Variants in LUZP1 observed in about 807,000 individuals in gnomAD.
The protein encoded by LUZP1 is filamin mechanobinding actin cross-linking protein.
LUZP1 carries 25 observed loss-of-function variants against 71.3 expected under a neutral mutation model. That is an observed-to-expected ratio of 0.35 (90% CI 0.26 to 0.49). LUZP1 has a LOEUF of 0.49. Ranked by LOEUF, LUZP1 falls within the 20% of genes least tolerant of loss-of-function variation. The probability of loss-of-function intolerance (pLI) is 0.99; values close to 1 mark genes in which losing one functional copy is unlikely to be tolerated. For synonymous variants in LUZP1, 481 were observed against 506.4 expected, an observed-to-expected ratio of 0.95 and a Z score of 0.67; for missense variants, 1,142 against 1,300.8, an observed-to-expected ratio of 0.88 and a Z score of 1.88.
At chr1:23,091,802 G>A (rs1643859911) in exon 4 of LUZP1, 1 of 1,613,962 alleles carries the variant, frequency 6.2e-7, no homozygotes, top group Non-Finnish European at 8.5e-7. Flanking sequence ...TATTGCTAGT[G>A]GATGTGTGCC....
At chr1:23,114,255 T>C (rs765332939) in intron 2 of LUZP1, among the ~76,000 whole-genome samples, 1 of 152,200 alleles carries the variant, frequency 6.6e-6, no homozygotes, top group African/African-American at 2.4e-5. Flanking sequence ...CTAAATTATA[T>C]AGGAAGCAAG....
intron 2 of LUZP1, among the ~76,000 whole-genome samples, chr1:23,114,532 G>A (rs767632105): frequency 1.2e-4 from 19 of 152,164 alleles, no homozygotes; most frequent in Non-Finnish European, 2.4e-4. Flanking sequence ...TGACTGAGTC[G>A]CTTCTCACAT....
chr1:23,090,640 G>A (rs147903104), intron 4 of LUZP1: 2 of 565,114 alleles, frequency 3.5e-6, no homozygotes, highest in African/African-American at 3.7e-5. Context: ...AAAAGAAAGT[G>A]TCACTTGGAA....
intron 2 of LUZP1, among the ~76,000 whole-genome samples, chr1:23,166,848 C>A (rs1423301622): frequency 6.6e-6 from 1 of 152,078 alleles, no homozygotes; most frequent in East Asian, 1.9e-4. Flanking sequence ...GGCTAATTAA[C>A]AATCCGCATT....
chr1:23,104,526 T>C (rs1200753342), intron 3 of LUZP1, among the ~76,000 whole-genome samples: 1 of 152,094 alleles, frequency 6.6e-6, no homozygotes, highest in African/African-American at 2.4e-5. Flanking sequence ...CTGAGGCCTT[T>C]TCAAACCATC....
chr1:23,103,863 GGAGGGAGGGAGGGAGGGAGA>G, intron 3 of LUZP1, among the ~76,000 whole-genome samples: 1 of 8,714 alleles, frequency 1.1e-4, no homozygotes, highest in South Asian at 3.8e-3. Flanking sequence ...AGGGAGGGAG[GGAGGGAGGGAGGGAGGGAGA>G]GAGGGAGAGA....
intron 4 of LUZP1, among the ~76,000 whole-genome samples, chr1:23,089,370 G>A (rs780435275): frequency 1.3e-5 from 2 of 152,102 alleles, no homozygotes; most frequent in East Asian, 3.9e-4. Flanking sequence ...CTGAGGAGGG[G>A]CCAGCAGTCT....
chr1:23,171,059 C>T (rs1048508710), intron 1 of LUZP1, among the ~76,000 whole-genome samples: 1 of 149,914 alleles, frequency 6.7e-6, no homozygotes. Flanking sequence ...CACCGCACTA[C>T]AGCCTGGTGA....
chr1:23,153,959 T>C lies in LUZP1; in HGVS notation c.-226+14807A>G, dbSNP rs575532322. Reference sequence around the variant, plus strand: ...CTCCTCAACTGGTCAATAAACAAACTATAATACATCTATACAATAGAATAC... The same window carrying C: ...CTCCTCAACTGGTCAATAAACAAACCATAATACATCTATACAATAGAATAC... On this transcript the variant is annotated intron_variant, in intron 2 of 4. Coordinates refer to ENST00000302291, the Ensembl canonical transcript of LUZP1. Among the ~76,000 whole-genome samples the C allele has an allele frequency of 2.0e-5, 3 of 152,196 alleles. No individual in the cohort carries two copies. In the East Asian group the frequency reaches 5.8e-4, roughly 29 times the overall value.
At position 23,127,616 on chromosome 1, in the gene LUZP1, C is replaced by T. The variant is rs528381601; in HGVS notation, c.-225-18489G>A. On this transcript the variant is annotated intron_variant, in intron 2 of 4. Coordinates refer to ENST00000302291, the Ensembl canonical transcript of LUZP1. Reference sequence around the variant, plus strand: ...TCAGTTCACTGCAAGCTCCGACTCCCGGGTTCACGCCATTCTCCTGCCTCA... The same window carrying T: ...TCAGTTCACTGCAAGCTCCGACTCCTGGGTTCACGCCATTCTCCTGCCTCA... Among the ~76,000 whole-genome samples the T allele has an allele frequency of 5.3e-5, 8 of 152,232 alleles. No individual in the cohort carries two copies. In the South Asian group the frequency reaches 1.5e-3, roughly 28 times the overall value.
chr1:23,131,412 TTC>T (rs1417362135), intron 2 of LUZP1, among the ~76,000 whole-genome samples: 1 of 152,136 alleles, frequency 6.6e-6, no homozygotes, highest in African/African-American at 2.4e-5. Context: ...TATATGAAAC[TTC>T]TCTTTTTCTC....
At chr1:23,145,202 A>T (rs1031977113) in intron 2 of LUZP1, among the ~76,000 whole-genome samples, 2 of 151,596 alleles carry the variant, frequency 1.3e-5, no homozygotes, top group Non-Finnish European at 2.9e-5. Context: ...TGCCCAGCCT[A>T]TTTCTTTTAA....
intron 1 of LUZP1, among the ~76,000 whole-genome samples, chr1:23,176,890 T>G (rs1015431630): frequency 2.0e-5 from 3 of 152,094 alleles, no homozygotes; most frequent in Non-Finnish European, 4.4e-5. Flanking sequence ...TTTTTGTTTT[T>G]TGTTTTTTGA....
intron 2 of LUZP1, among the ~76,000 whole-genome samples, chr1:23,128,188 A>G (rs1644187307): frequency 6.6e-5 from 10 of 152,122 alleles, no homozygotes; most frequent in Admixed American, 6.5e-4. Context: ...TTTAATTTTT[A>G]AAAAAGTGGA....
intron 2 of LUZP1, among the ~76,000 whole-genome samples, chr1:23,139,952 G>GA (rs562378628): frequency 0.17 from 22,539 of 131,544 alleles, 1,982 homozygotes; most frequent in South Asian, 0.34. Context: ...TCTGTCTCAA[G>GA]AAAAAAAAAA....
rs1376434751 is a variant in LUZP1, at chr1:23,128,041, G to A, written c.-225-18914C>T. The stretch of plus-strand genomic sequence containing the variant: ...AGCTACTCGGGAGGCTGAGGCAGGA[G>A]AATCGCTTGAACCTGGGAGGCGGAG... On this transcript the variant is annotated intron_variant, in intron 2 of 4. Coordinates refer to ENST00000302291, the Ensembl canonical transcript of LUZP1. Among the ~76,000 whole-genome samples the A allele has an allele frequency of 2.6e-5, 4 of 152,208 alleles. No individual in the cohort carries two copies. The East Asian group carries it at 7.8e-4, about 30-fold the overall frequency.
chr1:23,092,702 G>A (rs1376788866), exon 4 of LUZP1: 1 of 1,614,062 alleles, frequency 6.2e-7, no homozygotes, highest in Non-Finnish European at 8.5e-7. Context: ...ATGGGTCACT[G>A]GGAACAGATC....
At chr1:23,172,421 G>A (rs1305841308) in intron 1 of LUZP1, among the ~76,000 whole-genome samples, 1 of 152,114 alleles carries the variant, frequency 6.6e-6, no homozygotes, top group East Asian at 1.9e-4. Flanking sequence ...TGCTTTGGGT[G>A]GCCAAGGTGG....
intron 2 of LUZP1, among the ~76,000 whole-genome samples, chr1:23,156,533 T>C (rs981716498): frequency 3.3e-5 from 5 of 152,198 alleles, no homozygotes; most frequent in Admixed American, 2.6e-4. Context: ...CAATATTAAT[T>C]TATTAACGTT....
Sources: gnomAD v4.1 joint callset for allele counts (sites outside exome capture counted in the v4.1 genomes callset) on GRCh38, gnomAD v4.1.1 for gene constraint, MANE v1.5 for transcripts, NCBI Gene and HGNC (gene_info 2026-07-23, HGNC 2026-07-21) for gene names.